RAB38: variants seen among roughly 807,000 people sequenced by gnomAD.
The protein encoded by RAB38 is ras-related protein Rab-38.
RAB38 carries 15 observed loss-of-function variants against 18.4 expected under a neutral mutation model. That is an observed-to-expected ratio of 0.82 (90% CI 0.55 to 1.26). The LOEUF (loss-of-function observed/expected upper bound fraction) is 1.26. RAB38 is among the 50% of genes most tolerant of loss of function. RAB38 has a pLI of 0.00. For missense variants in RAB38, 294 were observed against 267.4 expected, an observed-to-expected ratio of 1.10 and a Z score of -0.69; for synonymous variants, 101 against 104.4, an observed-to-expected ratio of 0.97 and a Z score of 0.20.
chr11:88,093,645 C>A, the RAB38 span, among the ~76,000 whole-genome samples: 1 of 151,858 alleles, frequency 6.6e-6, no homozygotes, highest in East Asian at 1.9e-4. Context: ...CACACTACAG[C>A]CAGAAAGGGC....
the RAB38 span, among the ~76,000 whole-genome samples, chr11:87,886,638 A>C: frequency 1.3e-5 from 2 of 151,942 alleles, no homozygotes; most frequent in Non-Finnish European, 2.9e-5. Flanking sequence ...CATTAACTCC[A>C]TCTTAGTACA....
the RAB38 span, among the ~76,000 whole-genome samples, chr11:88,096,136 A>G: frequency 6.6e-6 from 1 of 151,738 alleles, no homozygotes; most frequent in African/African-American, 2.4e-5. Context: ...TTTTATTCCA[A>G]TTAAAGATCA....
chr11:88,103,001 T>C, the RAB38 span, among the ~76,000 whole-genome samples: 3 of 150,654 alleles, frequency 2.0e-5, no homozygotes, highest in African/African-American at 7.4e-5. Context: ...CCATCTGCCA[T>C]GCCCTTCCCT....
chr11:88,040,662 C>A, the RAB38 span, among the ~76,000 whole-genome samples: 1 of 152,066 alleles, frequency 6.6e-6, no homozygotes, highest in Non-Finnish European at 1.5e-5. Context: ...GTGACTGCAC[C>A]ACGGTACTCC....
chr11:87,884,424 A>C, the RAB38 span, among the ~76,000 whole-genome samples: 7 of 151,934 alleles, frequency 4.6e-5, no homozygotes, highest in Admixed American at 3.9e-4. Flanking sequence ...GGAGATGGGG[A>C]AATGCCTCAC....
At chr11:87,952,279 G>T in the RAB38 span, among the ~76,000 whole-genome samples, 1 of 152,132 alleles carries the variant, frequency 6.6e-6, no homozygotes, top group African/African-American at 2.4e-5. Context: ...GGAATTTATG[G>T]AACTCATTTA....
At chr11:87,833,681 T>C in the RAB38 span, among the ~76,000 whole-genome samples, 2 of 152,136 alleles carry the variant, frequency 1.3e-5, no homozygotes, top group Admixed American at 6.5e-5. Flanking sequence ...AAGTACAGAG[T>C]TGTTAAATAA....
intron 2 of RAB38, among the ~76,000 whole-genome samples, chr11:88,133,002 T>C (rs1020680019): frequency 7.2e-5 from 11 of 152,212 alleles, no homozygotes; most frequent in African/African-American, 2.4e-4. Flanking sequence ...TGAAAATAAA[T>C]TAATGTAGTG....
the RAB38 span, among the ~76,000 whole-genome samples, chr11:87,807,112 C>T: frequency 6.6e-6 from 1 of 152,100 alleles, no homozygotes. Context: ...CTGCATAGTC[C>T]GTTTGAGAAT....
chr11:87,911,148 G>A, the RAB38 span, among the ~76,000 whole-genome samples: 3 of 151,974 alleles, frequency 2.0e-5, no homozygotes, highest in Non-Finnish European at 4.4e-5. Context: ...CTTGATGACA[G>A]TACCATAGAG....
chr11:87,904,473 T>C, the RAB38 span, among the ~76,000 whole-genome samples: 2,721 of 151,912 alleles, frequency 0.018, 93 homozygotes, highest in African/African-American at 0.061. Flanking sequence ...TTACCGCGTT[T>C]TCCTTATCCA....
chr11:87,863,014 C>A, the RAB38 span, among the ~76,000 whole-genome samples: 1 of 151,856 alleles, frequency 6.6e-6, no homozygotes, highest in South Asian at 2.1e-4. Flanking sequence ...TTCTCTAGGA[C>A]ACAGGCTGAA....
chr11:87,955,733 T>C, the RAB38 span, among the ~76,000 whole-genome samples: 1 of 152,144 alleles, frequency 6.6e-6, no homozygotes, highest in Non-Finnish European at 1.5e-5. Flanking sequence ...TTCATGAGGC[T>C]TCAGATGACC....
intron 1 of RAB38, among the ~76,000 whole-genome samples, chr11:88,164,615 C>A (rs1462962727): frequency 7.1e-6 from 1 of 140,878 alleles, no homozygotes; most frequent in Non-Finnish European, 1.6e-5. Flanking sequence ...AAATAATTTT[C>A]TTTTAATTTA....
At chr11:88,061,514 T>A in the RAB38 span, among the ~76,000 whole-genome samples, 1 of 152,180 alleles carries the variant, frequency 6.6e-6, no homozygotes, top group South Asian at 2.1e-4. Context: ...CATTTAAGAA[T>A]CAAATTGCAA....
chr11:87,810,479 G>A, the RAB38 span, among the ~76,000 whole-genome samples: 33 of 152,256 alleles, frequency 2.2e-4, no homozygotes, highest in South Asian at 2.9e-3. Context: ...TATGTTGTAT[G>A]TACCAATAAT....
At chr11:87,976,401 T>TTATGTATTTA in the RAB38 span, among the ~76,000 whole-genome samples, 3 of 126,834 alleles carry the variant, frequency 2.4e-5, no homozygotes, top group Non-Finnish European at 1.6e-5. Flanking sequence ...ATACACATAT[T>TTATGTATTTA]TATATATTTA....
At chr11:87,879,293 T>C in the RAB38 span, among the ~76,000 whole-genome samples, 2 of 151,578 alleles carry the variant, frequency 1.3e-5, no homozygotes, top group African/African-American at 2.4e-5. Flanking sequence ...TGTAACCACA[T>C]TGCGAGAACA....
the RAB38 span, among the ~76,000 whole-genome samples, chr11:87,872,126 C>T: frequency 6.6e-6 from 1 of 151,590 alleles, no homozygotes; most frequent in Non-Finnish European, 1.5e-5. Context: ...CTGCTGTCTT[C>T]ACTGACACTT....
Sources: gnomAD v4.1 joint callset for allele counts (sites outside exome capture counted in the v4.1 genomes callset) on GRCh38, gnomAD v4.1.1 for gene constraint, MANE v1.5 for transcripts, NCBI Gene and HGNC (gene_info 2026-07-23, HGNC 2026-07-21) for gene names.